SPHKAP: variants seen among roughly 807,000 people sequenced by gnomAD.
SPHKAP encodes SPHK1 interactor, AKAP domain containing.
In SPHKAP, 67 loss-of-function variants were observed where a neutral mutation model predicts 137.5. The observed-to-expected ratio is 0.49, with a 90% confidence interval of 0.40 to 0.60. The LOEUF (loss-of-function observed/expected upper bound fraction) is 0.60, where lower values mean the gene tolerates loss of function less well. Ranked by LOEUF, SPHKAP falls within the 20% of genes least tolerant of loss-of-function variation. The pLI is 0.00. For missense variants in SPHKAP, 2,097 were observed against 2,069.3 expected, an observed-to-expected ratio of 1.01 and a Z score of -0.26; for synonymous variants, 813 against 785.3, an observed-to-expected ratio of 1.04 and a Z score of -0.59.
intron 8 of SPHKAP, chr2:227,994,001 C>T (rs751798956): frequency 4.1e-6 from 4 of 975,476 alleles, no homozygotes; most frequent in Non-Finnish European, 4.9e-6. Flanking sequence ...GCTGGGGACA[C>T]CTGCAGAGAT....
intron 2 of SPHKAP, among the ~76,000 whole-genome samples, chr2:228,116,832 T>C (rs949450635): frequency 1.3e-5 from 2 of 152,162 alleles, no homozygotes; most frequent in African/African-American, 2.4e-5. Flanking sequence ...AGACATTTCC[T>C]AGGCTTTGTC....
intron 3 of SPHKAP, among the ~76,000 whole-genome samples, chr2:228,028,948 T>TAA (rs57862352): frequency 0.38 from 58,047 of 151,980 alleles, 11,522 homozygotes; most frequent in South Asian, 0.51. Context: ...TTTTGAAAGA[T>TAA]AAAAAGACTT....
intron 1 of SPHKAP, among the ~76,000 whole-genome samples, chr2:228,153,727 T>G (rs1352105721): frequency 6.6e-6 from 1 of 152,082 alleles, no homozygotes; most frequent in African/African-American, 2.4e-5. Context: ...AATGTTAAAT[T>G]TTTTTTTGCA....
At chr2:228,090,584 C>G in intron 3 of SPHKAP, among the ~76,000 whole-genome samples, 1 of 152,086 alleles carries the variant, frequency 6.6e-6, no homozygotes, top group East Asian at 1.9e-4. Flanking sequence ...GGATGTTTAT[C>G]CCTTCCAAAT....
chr2:227,995,394 T>A, intron 8 of SPHKAP, 115 bp downstream of exon 8: 1 of 1,316,240 alleles, frequency 7.6e-7, no homozygotes, highest in Non-Finnish European at 1.1e-6. Context: ...ACTTTCCTTT[T>A]TTTGTTCTCT....
In SPHKAP at chr2:228,140,807, C is replaced by T. The variant is rs550296603; in HGVS notation, c.33-8722G>A. 3.9e-5 allele frequency among the ~76,000 whole-genome samples: 6 copies of T among 152,106 alleles called. 1 individual carries two copies. The highest frequency in any genetic ancestry group is 4.2e-4 in the South Asian group (2 of 4,800). On this transcript the variant is annotated intron_variant, in intron 1 of 11. Transcript: ENST00000392056. ...GCTGTTTAAAAGTGGATGACACCCC[C>T]CTCTCGCTCTCTTCTGCTTTTGCCA...
intron 3 of SPHKAP, among the ~76,000 whole-genome samples, chr2:228,084,127 G>T (rs546836150): frequency 1.3e-5 from 2 of 151,150 alleles, no homozygotes; most frequent in Non-Finnish European, 3.0e-5. Flanking sequence ...AAAAAGAAAT[G>T]ATGCCTACTA....
At chr2:228,111,783 A>C (rs1326811232) in intron 2 of SPHKAP, among the ~76,000 whole-genome samples, 2 of 152,066 alleles carry the variant, frequency 1.3e-5, no homozygotes, top group African/African-American at 4.8e-5. Flanking sequence ...TTCTGCCCCA[A>C]ATTGTTCAGA....
intron 2 of SPHKAP, among the ~76,000 whole-genome samples, chr2:228,116,003 G>C (rs774129448): frequency 6.6e-6 from 1 of 152,116 alleles, no homozygotes; most frequent in Non-Finnish European, 1.5e-5. Context: ...TGGCAAAAAG[G>C]CACCATCTAT....
At chr2:228,109,485 A>G (rs1160286231) in intron 2 of SPHKAP, 1 of 590,460 alleles carries the variant, frequency 1.7e-6, no homozygotes, top group East Asian at 1.4e-4. Flanking sequence ...ATTAAATACC[A>G]TTTGCCATTT....
At chr2:228,040,451 G>A (rs752607544) in intron 3 of SPHKAP, among the ~76,000 whole-genome samples, 4 of 152,072 alleles carry the variant, frequency 2.6e-5, no homozygotes, top group Non-Finnish European at 5.9e-5. Context: ...TGGACATTCC[G>A]GAATACATTC....
At chr2:228,099,022 G>C (rs943868027) in intron 3 of SPHKAP, among the ~76,000 whole-genome samples, 1 of 152,088 alleles carries the variant, frequency 6.6e-6, no homozygotes, top group Non-Finnish European at 1.5e-5. Flanking sequence ...CTGTGAAGAA[G>C]CTCTTTAGTT....
At chr2:228,022,048 G>A (rs1694862196) in intron 5 of SPHKAP, 82 bp from the exon 6 acceptor site, 2 of 1,454,966 alleles carry the variant, frequency 1.4e-6, no homozygotes, top group Non-Finnish European at 1.8e-6. Flanking sequence ...TTTCCACCAA[G>A]CTCTCCTGTT....
chr2:227,995,704 G>A lies in SPHKAP; in HGVS notation c.4449-10C>T. 6.4e-7 allele frequency: 1 copy of A among 1,562,820 alleles called. No individual in the cohort carries two copies. On this transcript the variant is annotated splice_polypyrimidine_tract_variant and intron_variant, in intron 7 of 11. Coordinates refer to ENST00000392056, the MANE Select transcript of SPHKAP (RefSeq NM_001142644.2). ...GGTATCAAGGCTGTCACTGTAGAGG[G>A]CAAGATATTATTACCAAGAGAGGCA...
At chr2:228,058,538 C>T (rs1008348656) in intron 3 of SPHKAP, among the ~76,000 whole-genome samples, 4 of 152,150 alleles carry the variant, frequency 2.6e-5, no homozygotes, top group Non-Finnish European at 4.4e-5. Context: ...GCACCCCGAT[C>T]CCGCTGTTAA....
chr2:228,098,361 C>A (rs1485866121), intron 3 of SPHKAP, among the ~76,000 whole-genome samples: 3 of 151,976 alleles, frequency 2.0e-5, no homozygotes. Flanking sequence ...TGGAACCAAC[C>A]CAAATGTCCA....
At chr2:228,011,860 CT>C (rs1218531948) in intron 7 of SPHKAP, among the ~76,000 whole-genome samples, 2 of 152,032 alleles carry the variant, frequency 1.3e-5, no homozygotes, top group Non-Finnish European at 2.9e-5. Flanking sequence ...AATATCTAAT[CT>C]TTTAACAGTT....
chr2:228,178,706 A>G (rs1161524080), intron 1 of SPHKAP, among the ~76,000 whole-genome samples: 1 of 152,080 alleles, frequency 6.6e-6, no homozygotes, highest in Non-Finnish European at 1.5e-5. Flanking sequence ...CTTGGATTCC[A>G]GGTCTATAAC....
chr2:228,044,679 A>C (rs982554227), intron 3 of SPHKAP, among the ~76,000 whole-genome samples: 5 of 152,218 alleles, frequency 3.3e-5, no homozygotes, highest in Non-Finnish European at 5.9e-5. Flanking sequence ...AAGTAATTGG[A>C]GAAAAACAAA....
Sources: gnomAD v4.1 joint callset for allele counts (sites outside exome capture counted in the v4.1 genomes callset) on GRCh38, gnomAD v4.1.1 for gene constraint, MANE v1.5 for transcripts, NCBI Gene and HGNC (gene_info 2026-07-23, HGNC 2026-07-21) for gene names.